MBTPS2: variants seen among roughly 807,000 people sequenced by gnomAD.
MBTPS2 encodes the protein membrane bound transcription factor peptidase, site 2.
Under a neutral mutation model 35.4 loss-of-function variants are expected in MBTPS2, and 2 were observed. The ratio of observed to expected loss-of-function variants is 0.06; its 90% CI spans 0.02 to 0.18. MBTPS2 has a LOEUF of 0.18. Ranked by LOEUF, MBTPS2 falls within the 10% of genes least tolerant of loss-of-function variation. MBTPS2 has a pLI of 1.00. For synonymous variants in MBTPS2, 125 were observed against 140.4 expected (o/e 0.89, Z 0.77); for missense variants, 244 against 386.5 (o/e 0.63, Z 3.09).
intron 3 of MBTPS2, among the ~76,000 whole-genome samples, chrX:21,851,281 T>C (rs2092914373): frequency 8.9e-6 from 1 of 112,185 alleles, no homozygotes; most frequent in African/African-American, 3.2e-5. Context: ...CTCTTTAGAC[T>C]GGTGGTGTGC....
At chrX:21,868,260 C>G (rs750983164) in intron 5 of MBTPS2, among the ~76,000 whole-genome samples, 28 of 111,648 alleles carry the variant, frequency 2.5e-4, no homozygotes, top group African/African-American at 2.9e-4. Context: ...GTGGTATTAA[C>G]ATGCCCATTT....
Position 21,845,166 on chromosome X carries a change from G to C in MBTPS2, c.225-5G>C, listed in dbSNP as rs1064797361. 2.5e-6 allele frequency: 3 copies of C among 1,207,792 alleles called. No homozygotes were observed. The highest frequency in any genetic ancestry group is 3.4e-6 in the Non-Finnish European group (3 of 893,304). Reference sequence around the variant, plus strand: ...AATTAACATGATTTTTTTCCCTTTTGACAGGTTCAATTTTGGAATGGTGTT... The same window carrying C: ...AATTAACATGATTTTTTTCCCTTTTCACAGGTTCAATTTTGGAATGGTGTT... On this transcript the variant is annotated splice_region_variant and splice_polypyrimidine_tract_variant and intron_variant, in intron 2 of 10. Transcript: ENST00000379484.
intron 5 of MBTPS2, among the ~76,000 whole-genome samples, chrX:21,860,267 C>T (rs1350361666): frequency 1.0e-4 from 11 of 110,522 alleles, no homozygotes; most frequent in Non-Finnish European, 2.1e-4. Context: ...CAAAAATTAG[C>T]TGGGGTTGCT....
chrX:21,847,796 A>G (rs2092910189), intron 3 of MBTPS2, among the ~76,000 whole-genome samples: 1 of 112,130 alleles, frequency 8.9e-6, no homozygotes, highest in Non-Finnish European at 1.9e-5. Flanking sequence ...AATACTGGAA[A>G]GATGTCTGAC....
intron 5 of MBTPS2, chrX:21,857,617 C>A (rs1377100860): frequency 8.4e-7 from 1 of 1,184,825 alleles, no homozygotes; most frequent in Non-Finnish European, 1.1e-6. Context: ...GGAGAAGACC[C>A]CTCTCAGACT....
rs192279334 is a variant in MBTPS2, at chrX:21,842,873, T to A, written c.76-297T>A. On this transcript the variant is annotated intron_variant, in intron 1 of 10. Transcript: ENST00000379484. The stretch of plus-strand genomic sequence containing the variant: ...CTCTGTCGCATATTTTTGGTTTTTA[T>A]TGTCTTTTTATAATCCCTTAAAAAT... Among the ~76,000 whole-genome samples the A allele has an allele frequency of 1.1e-3, 126 of 111,758 alleles. 1 individual carries two copies. Among genetic ancestry groups the A allele is most frequent in the Middle Eastern group, 4.6e-3 (1 of 218 alleles).
At position 21,859,048 on chromosome X, in the gene MBTPS2, A is replaced by G. The variant is rs2092927794; in HGVS notation, c.670+5545A>G. Among the ~76,000 whole-genome samples the G allele has an allele frequency of 4.5e-5, 5 of 110,965 alleles. No individual in the cohort carries two copies. In the Admixed American group the frequency reaches 4.8e-4, roughly 11 times the overall value. On this transcript the variant is annotated intron_variant, in intron 5 of 10. Coordinates refer to ENST00000379484, the MANE Select transcript of MBTPS2 (RefSeq NM_015884.4). ...TGGTGAAACCATCCCCCGGCTACTT[A>G]AAAATACAAAAATTAGCCATAGACT...
Position 21,883,148 on chromosome X carries a change from A to G in MBTPS2, c.*493A>G. ...AAAGTATTTTAAAACTTAATGGTGT[A>G]TTATTTTGTGCTCTGAAAGCTGAGG... is the stretch of plus-strand genomic sequence containing the variant. On this transcript the variant is annotated 3_prime_UTR_variant, in exon 11 of 11. Coordinates refer to ENST00000379484, the MANE Select transcript of MBTPS2 (RefSeq NM_015884.4). 4 of 762,021 alleles carry G rather than the reference A, an allele frequency of 5.2e-6. No homozygotes were observed. The highest frequency in any genetic ancestry group is 1.3e-4 in the South Asian group (2 of 15,669). 62.8% of individuals were successfully genotyped at this position (762,021 alleles called of 1,213,427 possible).
At chrX:21,870,596 C>T (rs1199046506) in intron 7 of MBTPS2, 1 of 112,171 alleles carries the variant, frequency 8.9e-6, no homozygotes, top group African/African-American at 3.2e-5. Flanking sequence ...CTTAAAAATT[C>T]CCTTAATACT....
intron 7 of MBTPS2, among the ~76,000 whole-genome samples, chrX:21,875,052 T>G (rs550154970): frequency 3.6e-5 from 4 of 112,359 alleles, no homozygotes; most frequent in African/African-American, 9.7e-5. Context: ...ATTTCACTCT[T>G]TATTGGAAAA....
rs398124306 is a variant in MBTPS2 at position 21,851,542 on chromosome X, A to G, written c.472A>G (p.Thr158Ala). Residue 158 changes from threonine to alanine, a missense_variant, in exon 4 of 11, where the codon ACC (threonine) becomes GCC (alanine). By Grantham distance (58) the Thr-to-Ala change is moderately conservative. Coordinates refer to ENST00000379484, the MANE Select transcript of MBTPS2 (RefSeq NM_015884.4). Reference sequence around the variant, plus strand: ...TATAAATTTACCCGTCAATCAACTGACCTATTTCTTCACGGCAGTTCTCAT... The same window carrying G: ...TATAAATTTACCCGTCAATCAACTGGCCTATTTCTTCACGGCAGTTCTCAT... ...PGINLPVNQLTYFFTAVLISG... is the reference protein window; with the variant it reads ...PGINLPVNQLAYFFTAVLISG... The G allele has an allele frequency of 5.8e-6, 7 of 1,207,384 alleles. No individual in the cohort carries two copies. In the South Asian group the frequency reaches 8.8e-5, roughly 15 times the overall value.
intron 5 of MBTPS2, among the ~76,000 whole-genome samples, chrX:21,866,486 A>G (rs1195262277): frequency 8.9e-6 from 1 of 111,788 alleles, no homozygotes; most frequent in Non-Finnish European, 1.9e-5. Flanking sequence ...TAAATGTAGT[A>G]TTCCTGTGTA....
At position 21,881,308 on chromosome X, in the gene MBTPS2, G is replaced by A. The variant is rs1025372698; in HGVS notation, c.1337+336G>A. Among the ~76,000 whole-genome samples the A allele has an allele frequency of 1.5e-4, 17 of 111,769 alleles. No homozygotes were observed. The South Asian group carries it at 3.8e-3, about 25-fold the overall frequency. ...TGAGGTAATGAATTCTGCCCCATCCGAGATTGTTAGTTCTGACCAAATAGA... is the reference window on the plus strand; with the variant it reads ...TGAGGTAATGAATTCTGCCCCATCCAAGATTGTTAGTTCTGACCAAATAGA... On this transcript the variant is annotated intron_variant, in intron 10 of 10. Transcript: ENST00000379484.
chrX:21,867,859 T>C (rs1453410278), intron 5 of MBTPS2, among the ~76,000 whole-genome samples: 1 of 111,041 alleles, frequency 9.0e-6, no homozygotes, highest in Non-Finnish European at 1.9e-5. Context: ...CAAGCTGGTG[T>C]TGATCTCCTG....
In MBTPS2 at chrX:21,885,076, T is replaced by C; in HGVS notation, c.*2421T>C. ...GCATTGTTTACATTTTTGACAGTTT[T>C]TTTTAATCACCTACAATCTGTAAAG... On this transcript the variant is annotated 3_prime_UTR_variant, in exon 11 of 11. Transcript: ENST00000379484. 5.3e-6 allele frequency: 4 copies of C among 751,093 alleles called. No individual in the cohort carries two copies. Among genetic ancestry groups the C allele is most frequent in the Non-Finnish European group, 6.3e-6 (4 of 636,183 alleles). 61.9% of individuals were successfully genotyped at this position (751,093 alleles called of 1,213,427 possible).
At chrX:21,853,913 GTC>G (rs2092917475) in intron 5 of MBTPS2, among the ~76,000 whole-genome samples, 1 of 111,331 alleles carries the variant, frequency 9.0e-6, no homozygotes, top group Non-Finnish European at 1.9e-5. Context: ...CTCTAGCACT[GTC>G]AGAGTTCAAT....
At position 21,883,213 on chromosome X, in the gene MBTPS2, G is replaced by C; in HGVS notation, c.*558G>C. 3 of 757,524 alleles carry C rather than the reference G, an allele frequency of 4.0e-6. No individual in the cohort carries two copies. Among genetic ancestry groups the C allele is most frequent in the Non-Finnish European group, 4.7e-6 (3 of 640,929 alleles). The allele number at this position is 757,524 out of a possible 1,213,427, so 62.4% of individuals were successfully genotyped here. Reference sequence around the variant, plus strand: ...GTAAAATTCTATAGAAGAATCTGCTGACGTGAAAGGGAAAAATCTTTGTCA... The same window carrying C: ...GTAAAATTCTATAGAAGAATCTGCTCACGTGAAAGGGAAAAATCTTTGTCA... On this transcript the variant is annotated 3_prime_UTR_variant, in exon 11 of 11. Transcript: ENST00000379484.
chrX:21,877,785 C>T (rs1234719869), intron 7 of MBTPS2, among the ~76,000 whole-genome samples: 2 of 111,706 alleles, frequency 1.8e-5, no homozygotes, highest in Non-Finnish European at 3.8e-5. Context: ...ACTGCAACTC[C>T]GGCTTTATGG....
At chrX:21,857,334 G>A (rs762217625) in intron 5 of MBTPS2, 1 of 1,212,318 alleles carries the variant, frequency 8.2e-7, no homozygotes. Context: ...CAGAGTCCAC[G>A]TATGTGCAGA....
Sources: gnomAD v4.1 joint callset for allele counts (sites outside exome capture counted in the v4.1 genomes callset) on GRCh38, gnomAD v4.1.1 for gene constraint, MANE v1.5 for transcripts, NCBI Gene and HGNC (gene_info 2026-07-23, HGNC 2026-07-21) for gene names.